PLCXD2: variants seen among roughly 807,000 people sequenced by gnomAD.
PLCXD2 encodes PI-PLC X domain-containing protein 2.
In PLCXD2, 21 loss-of-function variants were observed where a neutral mutation model predicts 28.6. The observed-to-expected ratio is 0.73, with a 90% CI of 0.52 to 1.06. The LOEUF (loss-of-function observed/expected upper bound fraction) is 1.06, where lower values mean the gene tolerates loss of function less well. Among genes scored for constraint, PLCXD2 ranks in the 50% least tolerant of loss-of-function variants. The probability of loss-of-function intolerance (pLI) is 0.00; values close to 1 mark genes in which losing one functional copy is unlikely to be tolerated. For synonymous variants in PLCXD2, 140 were observed against 150.1 expected (o/e 0.93, Z 0.49); for missense variants, 369 against 376.7 (o/e 0.98, Z 0.17).
At chr3:111,682,670 A>G (rs1576453015) in intron 1 of PLCXD2, among the ~76,000 whole-genome samples, 1 of 152,224 alleles carries the variant, frequency 6.6e-6, no homozygotes, top group South Asian at 2.1e-4. Context: ...TTGGAGGCTT[A>G]TATATTAAAA....
intron 3 of PLCXD2, among the ~76,000 whole-genome samples, chr3:111,715,134 G>A (rs959105697): frequency 1.3e-5 from 2 of 152,178 alleles, no homozygotes; most frequent in Non-Finnish European, 2.9e-5. Flanking sequence ...TCCTGATTAT[G>A]TCAACCATGG....
chr3:111,702,483 T>C (rs943439270), intron 1 of PLCXD2, among the ~76,000 whole-genome samples: 5 of 152,184 alleles, frequency 3.3e-5, no homozygotes. Flanking sequence ...AAAAGTACTT[T>C]GTTTTGTTTT....
At position 111,674,778 on chromosome 3, in the gene PLCXD2, G is replaced by T; in HGVS notation, c.-468G>T. The stretch of plus-strand genomic sequence containing the variant: ...GAAGCGGGGGAGTGAGTAGCAGGCA[G>T]GCCCAGCTTGTGTACCAGCCCAGTG... On this transcript the variant is annotated 5_prime_UTR_variant, in exon 1 of 5. It adds an upstream start codon to the 5' untranslated region. Coordinates refer to ENST00000477665, the MANE Select transcript of PLCXD2 (RefSeq NM_001185106.1). 1 of 155,206 alleles carries T rather than the reference G, an allele frequency of 6.4e-6. No homozygotes were observed. The highest frequency in any genetic ancestry group is 1.4e-5 in the Non-Finnish European group (1 of 70,066). The allele number at this position is 155,206 out of a possible 1,614,324, so 9.6% of individuals were successfully genotyped here.
intron 1 of PLCXD2, among the ~76,000 whole-genome samples, chr3:111,680,109 G>C (rs914192199): frequency 2.0e-5 from 3 of 152,008 alleles, no homozygotes; most frequent in Non-Finnish European, 4.4e-5. Flanking sequence ...CCTTTTCCTA[G>C]CAGTTTTGCC....
intron 1 of PLCXD2, among the ~76,000 whole-genome samples, chr3:111,699,560 G>C (rs1225081354): frequency 6.6e-6 from 1 of 152,176 alleles, no homozygotes; most frequent in East Asian, 1.9e-4. Context: ...CACAAGGCCA[G>C]CTAGCTCATT....
intron 1 of PLCXD2, among the ~76,000 whole-genome samples, chr3:111,685,503 T>C (rs1291628331): frequency 6.6e-6 from 1 of 152,184 alleles, no homozygotes; most frequent in Admixed American, 6.5e-5. Context: ...ACATCTCAGG[T>C]TGCACCAATA....
intron 1 of PLCXD2, among the ~76,000 whole-genome samples, chr3:111,707,523 A>G (rs911762631): frequency 6.6e-6 from 1 of 152,202 alleles, no homozygotes; most frequent in African/African-American, 2.4e-5. Context: ...TCTATTATGA[A>G]TATTCTTTGG....
chr3:111,716,566 C>T (rs1163612334), intron 3 of PLCXD2, among the ~76,000 whole-genome samples: 1 of 152,136 alleles, frequency 6.6e-6, no homozygotes, highest in African/African-American at 2.4e-5. Context: ...AGGTTCATGG[C>T]ACTCTCACTG....
At chr3:111,719,241 AT>A (rs1377512442) in intron 3 of PLCXD2, among the ~76,000 whole-genome samples, 1 of 152,210 alleles carries the variant, frequency 6.6e-6, no homozygotes, top group Non-Finnish European at 1.5e-5. Flanking sequence ...AAATGGACAA[AT>A]TAGAATCTGT....
chr3:111,704,199 CG>C (rs540876929), intron 1 of PLCXD2, among the ~76,000 whole-genome samples: 2 of 151,470 alleles, frequency 1.3e-5, no homozygotes, highest in East Asian at 3.9e-4. Flanking sequence ...GGTAATATTG[CG>C]GGGGGTAGTG....
chr3:111,721,226 T>C (rs1319611225), intron 3 of PLCXD2: 1 of 159,294 alleles, frequency 6.3e-6, no homozygotes, highest in Non-Finnish European at 1.4e-5. Context: ...CCCAGCTCCC[T>C]ATTGTCGTCT....
intron 3 of PLCXD2, among the ~76,000 whole-genome samples, chr3:111,720,422 A>G (rs1186728219): frequency 6.6e-6 from 1 of 152,084 alleles, no homozygotes; most frequent in Non-Finnish European, 1.5e-5. Flanking sequence ...GGCATGAGCC[A>G]CCGCACTGGG....
chr3:111,718,120 A>C (rs1289459790), intron 3 of PLCXD2, among the ~76,000 whole-genome samples: 1 of 152,138 alleles, frequency 6.6e-6, no homozygotes, highest in Non-Finnish European at 1.5e-5. Context: ...CCCCGTTCAA[A>C]ATGGAAGTAC....
At chr3:111,715,427 G>C (rs763598617) in intron 3 of PLCXD2, among the ~76,000 whole-genome samples, 1 of 152,158 alleles carries the variant, frequency 6.6e-6, no homozygotes, top group African/African-American at 2.4e-5. Context: ...ACTGTCTGCT[G>C]TCAAGGAACT....
At chr3:111,716,025 C>G (rs1453103903) in intron 3 of PLCXD2, among the ~76,000 whole-genome samples, 1 of 152,200 alleles carries the variant, frequency 6.6e-6, no homozygotes, top group Non-Finnish European at 1.5e-5. Flanking sequence ...GGCATGCGCC[C>G]AAAGCCAAGG....
intron 3 of PLCXD2, among the ~76,000 whole-genome samples, chr3:111,716,498 A>G (rs1941269533): frequency 6.6e-6 from 1 of 152,252 alleles, no homozygotes; most frequent in Non-Finnish European, 1.5e-5. Flanking sequence ...CAAGAAATAT[A>G]GCCATTTGAC....
intron 1 of PLCXD2, among the ~76,000 whole-genome samples, chr3:111,694,841 A>G (rs1940938726): frequency 6.6e-6 from 1 of 152,206 alleles, no homozygotes; most frequent in South Asian, 2.1e-4. Context: ...GTGGACATTC[A>G]TGCTGAAGGA....
At chr3:111,702,772 T>C (rs917414094) in intron 1 of PLCXD2, among the ~76,000 whole-genome samples, 3 of 152,064 alleles carry the variant, frequency 2.0e-5, no homozygotes, top group African/African-American at 7.2e-5. Flanking sequence ...TCGAATTTTA[T>C]TCATACATTC....
rs185470669 is a variant in PLCXD2, at chr3:111,681,548, C to T, written c.163+6140C>T. ...AATAGCTTCATCATCCCTCCAAACA[C>T]ATACATCACCCACACATGCAACACA... On this transcript the variant is annotated intron_variant, in intron 1 of 4. Transcript: ENST00000477665. Among the ~76,000 whole-genome samples, 744 of 152,274 alleles carry T rather than the reference C, an allele frequency of 4.9e-3. 8 individuals carry two copies. The highest frequency in any genetic ancestry group is 0.016 in the African/African-American group (685 of 41,550).
Sources: allele counts gnomAD v4.1 joint callset (sites outside exome capture counted in the v4.1 genomes callset), GRCh38; gene constraint gnomAD v4.1.1; transcripts MANE v1.5; gene names NCBI Gene and HGNC (gene_info 2026-07-23, HGNC 2026-07-21).